CSTPP1: variants seen among roughly 807,000 people sequenced by gnomAD.
The protein encoded by CSTPP1 is centriolar satellite-associated tubulin polyglutamylase complex regulator 1.
the CSTPP1 span, among the ~76,000 whole-genome samples, chr11:47,038,306 G>T: frequency 1.3e-4 from 14 of 104,004 alleles, no homozygotes; most frequent in South Asian, 3.3e-4. Flanking sequence ...CCTCCCGGAC[G>T]GGGCGGCTGG....
At chr11:46,997,238 G>T in the CSTPP1 span, among the ~76,000 whole-genome samples, 2 of 152,128 alleles carry the variant, frequency 1.3e-5, no homozygotes, top group Non-Finnish European at 2.9e-5. Context: ...ATATTTCTTG[G>T]AGGCTTTGTT....
At chr11:46,969,430 T>C in the CSTPP1 span, among the ~76,000 whole-genome samples, 1 of 152,246 alleles carries the variant, frequency 6.6e-6, no homozygotes, top group East Asian at 1.9e-4. Context: ...TGAAATGATA[T>C]ATTTTGGAAA....
At chr11:47,143,051 A>AGAGAT in the CSTPP1 span, among the ~76,000 whole-genome samples, 1 of 152,208 alleles carries the variant, frequency 6.6e-6, no homozygotes, top group African/African-American at 2.4e-5. Flanking sequence ...GGCTGCAGTT[A>AGAGAT]GAGATGAATT....
chr11:47,073,483 C>G, the CSTPP1 span, among the ~76,000 whole-genome samples: 1 of 152,068 alleles, frequency 6.6e-6, no homozygotes, highest in African/African-American at 2.4e-5. Context: ...TGCTTGAGCC[C>G]AGGAGTTCAA....
At chr11:46,973,798 GTC>G in the CSTPP1 span, among the ~76,000 whole-genome samples, 165 of 105,368 alleles carry the variant, frequency 1.6e-3, no homozygotes, top group African/African-American at 4.2e-3. Context: ...GTGTGTGTGT[GTC>G]TGTGTGTGTC....
the CSTPP1 span, among the ~76,000 whole-genome samples, chr11:47,115,047 T>C: frequency 6.6e-6 from 1 of 152,248 alleles, no homozygotes. Context: ...TGAAGGGCTG[T>C]TGAATTTTGT....
chr11:46,986,322 A>G, the CSTPP1 span, among the ~76,000 whole-genome samples: 1 of 152,108 alleles, frequency 6.6e-6, no homozygotes, highest in African/African-American at 2.4e-5. Flanking sequence ...CATCTAATAA[A>G]CCAAGCCAGA....
the CSTPP1 span, among the ~76,000 whole-genome samples, chr11:46,962,530 GCC>G: frequency 6.6e-6 from 1 of 152,144 alleles, no homozygotes; most frequent in Non-Finnish European, 1.5e-5. Context: ...TGTGGAGTGT[GCC>G]ATTTAACAAT....
the CSTPP1 span, among the ~76,000 whole-genome samples, chr11:47,051,103 AT>A: frequency 6.6e-6 from 1 of 152,122 alleles, no homozygotes; most frequent in African/African-American, 2.4e-5. Flanking sequence ...TCAGAGTCAG[AT>A]TTTTCCCCCC....
At chr11:47,021,626 T>TC in the CSTPP1 span, among the ~76,000 whole-genome samples, 6 of 152,090 alleles carry the variant, frequency 3.9e-5, no homozygotes, top group Non-Finnish European at 8.8e-5. Context: ...TTAGGGTTTT[T>TC]CCCCCTCCTT....
At chr11:46,938,212 G>C in the CSTPP1 span, among the ~76,000 whole-genome samples, 2 of 151,918 alleles carry the variant, frequency 1.3e-5, no homozygotes, top group East Asian at 3.9e-4. Context: ...CAGATAGTAC[G>C]GCGAGTTCCC....
the CSTPP1 span, among the ~76,000 whole-genome samples, chr11:46,999,957 G>GGCA: frequency 6.6e-6 from 1 of 152,118 alleles, no homozygotes; most frequent in Non-Finnish European, 1.5e-5. Context: ...AAACACAAGT[G>GGCA]GCTGAACAGT....
chr11:46,991,583 A>G, the CSTPP1 span: 5 of 152,172 alleles, frequency 3.3e-5, no homozygotes, highest in African/African-American at 1.2e-4. Context: ...TCAAGTTTCT[A>G]TACCATTTAA....
At chr11:47,103,818 G>A in the CSTPP1 span, 1 of 151,830 alleles carries the variant, frequency 6.6e-6, no homozygotes, top group Non-Finnish European at 1.5e-5. Context: ...GGGACCACAG[G>A]TATGTGTTAC....
the CSTPP1 span, among the ~76,000 whole-genome samples, chr11:46,941,374 C>G: frequency 6.6e-6 from 1 of 152,120 alleles, no homozygotes; most frequent in East Asian, 1.9e-4. Context: ...GAGTCTCGCT[C>G]TGTCACCCAG....
At chr11:47,107,270 A>G in the CSTPP1 span, among the ~76,000 whole-genome samples, 15 of 152,208 alleles carry the variant, frequency 9.9e-5, no homozygotes, top group African/African-American at 3.4e-4. Flanking sequence ...AGTGTTTGTG[A>G]GAGCGCCCTG....
At chr11:47,086,039 C>T in the CSTPP1 span, among the ~76,000 whole-genome samples, 1 of 151,784 alleles carries the variant, frequency 6.6e-6, no homozygotes, top group Non-Finnish European at 1.5e-5. Flanking sequence ...CAGGAGGTCA[C>T]TTCAGCAGAC....
At chr11:47,155,086 G>C in the CSTPP1 span, 1 of 1,009,158 alleles carries the variant, frequency 9.9e-7, no homozygotes, top group Non-Finnish European at 1.6e-6. Context: ...CCTCTCCCCC[G>C]CACTTTTCCC....
At chr11:47,142,862 C>G in the CSTPP1 span, among the ~76,000 whole-genome samples, 1 of 152,154 alleles carries the variant, frequency 6.6e-6, no homozygotes. Flanking sequence ...TGGTATTCCT[C>G]TATTTGCGGC....
Sources: allele counts gnomAD v4.1 joint callset (sites outside exome capture counted in the v4.1 genomes callset), GRCh38; gene constraint gnomAD v4.1.1; transcripts MANE v1.5; gene names NCBI Gene and HGNC (gene_info 2026-07-23, HGNC 2026-07-21).